MAN1A2: variants seen among roughly 807,000 people sequenced by gnomAD.
MAN1A2 encodes the protein mannosidase alpha class 1A member 2.
In MAN1A2, 26 loss-of-function variants were observed where a neutral mutation model predicts 75.7. That is an observed-to-expected ratio of 0.34 (90% CI 0.25 to 0.48). MAN1A2 has a LOEUF of 0.48. Among genes scored for constraint, MAN1A2 ranks in the 20% least tolerant of loss-of-function variants. MAN1A2 has a pLI of 0.99. For missense variants in MAN1A2, 562 were observed against 775.5 expected (o/e 0.72, Z 3.27); for synonymous variants, 247 against 264.6 (o/e 0.93, Z 0.65).
chr1:117,430,008 C>G (rs1466856723), intron 5 of MAN1A2, among the ~76,000 whole-genome samples: 50 of 49,868 alleles, frequency 1.0e-3, no homozygotes, highest in Non-Finnish European at 1.6e-3. Context: ...CCCTCCCGGA[C>G]AGGGCGGCTG....
At chr1:117,393,912 G>A (rs1407504825) in intron 1 of MAN1A2, among the ~76,000 whole-genome samples, 2 of 152,152 alleles carry the variant, frequency 1.3e-5, no homozygotes, top group Admixed American at 1.3e-4. Context: ...AAGTTTGAAT[G>A]TGTGGAGTCT....
At chr1:117,390,688 A>C (rs1032133815) in intron 1 of MAN1A2, among the ~76,000 whole-genome samples, 16 of 151,148 alleles carry the variant, frequency 1.1e-4, no homozygotes, top group African/African-American at 3.9e-4. Context: ...CCATTTTCTT[A>C]AGTTAGAAGC....
chr1:117,485,583 A>C (rs1398711082), intron 8 of MAN1A2, among the ~76,000 whole-genome samples: 2 of 151,940 alleles, frequency 1.3e-5, no homozygotes, highest in African/African-American at 4.8e-5. Flanking sequence ...TTCATAAACA[A>C]TAGATACCAG....
At chr1:117,480,544 T>TA (rs903825082) in intron 8 of MAN1A2, among the ~76,000 whole-genome samples, 23 of 151,362 alleles carry the variant, frequency 1.5e-4, no homozygotes, top group Admixed American at 5.3e-4. Context: ...AGCACTTTTT[T>TA]AAAAAAAAAG....
chr1:117,404,709 G>T (rs1478009791), intron 2 of MAN1A2, among the ~76,000 whole-genome samples: 4 of 152,110 alleles, frequency 2.6e-5, no homozygotes, highest in African/African-American at 4.8e-5. Context: ...TTAGGGCAGG[G>T]GTTGACAGCT....
chr1:117,410,220 G>A (rs1217434152), intron 3 of MAN1A2, among the ~76,000 whole-genome samples: 2 of 151,930 alleles, frequency 1.3e-5, no homozygotes. Flanking sequence ...AAGGCTGAGT[G>A]TATATTACAT....
chr1:117,415,759 T>C (rs1171729257), intron 4 of MAN1A2, among the ~76,000 whole-genome samples: 1 of 152,126 alleles, frequency 6.6e-6, no homozygotes, highest in Admixed American at 6.6e-5. Flanking sequence ...ATTTGTCTTG[T>C]TGTTCTGTTG....
chr1:117,426,435 C>T (rs1376889082), intron 5 of MAN1A2, among the ~76,000 whole-genome samples: 7 of 152,040 alleles, frequency 4.6e-5, no homozygotes, highest in Non-Finnish European at 7.4e-5. Flanking sequence ...AAAATATAGA[C>T]ATCCATCGAC....
In MAN1A2 at chr1:117,398,236, A is replaced by G. The variant is rs557192424; in HGVS notation, c.303-3950A>G. On this transcript the variant is annotated intron_variant, in intron 1 of 12. Transcript: ENST00000356554. Reference sequence around the variant, plus strand: ...AAGATACATGGTGCCATCAGACTGTATATTAGGGAGATTTGTCTAATCTAG... The same window carrying G: ...AAGATACATGGTGCCATCAGACTGTGTATTAGGGAGATTTGTCTAATCTAG... Among the ~76,000 whole-genome samples the G allele has an allele frequency of 1.1e-3, 173 of 152,274 alleles. 2 individuals are homozygous for G. Among genetic ancestry groups the G allele is most frequent in the African/African-American group, 4.0e-3 (166 of 41,554 alleles).
intron 4 of MAN1A2, among the ~76,000 whole-genome samples, chr1:117,416,612 A>AT (rs2101773971): frequency 6.6e-6 from 1 of 152,324 alleles, no homozygotes; most frequent in East Asian, 1.9e-4. Flanking sequence ...AATGTTTAGA[A>AT]TTGTTATCCA....
At chr1:117,434,671 G>A (rs1489951119) in intron 5 of MAN1A2, among the ~76,000 whole-genome samples, 1 of 151,508 alleles carries the variant, frequency 6.6e-6, no homozygotes, top group East Asian at 1.9e-4. Context: ...ACCTAAATTT[G>A]TATATTTTAA....
chr1:117,367,916 G>A lies in MAN1A2; in HGVS notation c.-268G>A, dbSNP rs909898657. 32 of 388,348 alleles carry A rather than the reference G, an allele frequency of 8.2e-5. No homozygotes were observed. Among genetic ancestry groups the A allele is most frequent in the Non-Finnish European group, 1.2e-4 (27 of 217,460 alleles). The allele number at this position is 388,348 out of a possible 1,614,324, so 24.1% of individuals were successfully genotyped here. On this transcript the variant is annotated 5_prime_UTR_variant, in exon 1 of 13. Coordinates refer to ENST00000356554, the MANE Select transcript of MAN1A2 (RefSeq NM_006699.5). ...CCTGATCTACCCCTAGGAATGAAGA[G>A]GAGGCTTGTAATAATCCGATGAAGT...
chr1:117,502,722 A>G (rs1467183558), intron 11 of MAN1A2, 133 bp from the exon 12 acceptor site: 4 of 602,948 alleles, frequency 6.6e-6, no homozygotes, highest in Non-Finnish European at 1.2e-5. Context: ...CCTTTTGATA[A>G]TATATTATTC....
At chr1:117,443,989 A>AGGG (rs1649127090) in intron 6 of MAN1A2, among the ~76,000 whole-genome samples, 2 of 152,026 alleles carry the variant, frequency 1.3e-5, no homozygotes, top group Non-Finnish European at 2.9e-5. Flanking sequence ...TGATGACTGA[A>AGGG]AGCCAACCCA....
intron 5 of MAN1A2, among the ~76,000 whole-genome samples, chr1:117,440,269 A>G (rs1412281824): frequency 6.6e-6 from 1 of 152,200 alleles, no homozygotes; most frequent in Non-Finnish European, 1.5e-5. Flanking sequence ...ATTTTATGTG[A>G]CATGACCAGG....
At chr1:117,430,010 G>C (rs1648556992) in intron 5 of MAN1A2, among the ~76,000 whole-genome samples, 1 of 51,816 alleles carries the variant, frequency 1.9e-5, no homozygotes, top group African/African-American at 8.6e-5. Flanking sequence ...CTCCCGGACA[G>C]GGCGGCTGGC....
chr1:117,471,867 G>C (rs1650172542), intron 8 of MAN1A2, among the ~76,000 whole-genome samples: 1 of 151,920 alleles, frequency 6.6e-6, no homozygotes, highest in African/African-American at 2.4e-5. Context: ...CAGATACTGA[G>C]AAGAAACCGG....
chr1:117,458,092 A>G (rs561530541), intron 6 of MAN1A2, among the ~76,000 whole-genome samples: 18 of 152,138 alleles, frequency 1.2e-4, no homozygotes, highest in African/African-American at 4.1e-4. Flanking sequence ...CTCACTTTCT[A>G]TCTCTAGTAC....
intron 12 of MAN1A2, chr1:117,515,947 AT>A (rs1020552401): frequency 2.6e-5 from 4 of 152,084 alleles, no homozygotes; most frequent in South Asian, 2.1e-4. Context: ...AATAAAAAAA[AT>A]ATAAGGAAAG....
Sources: gnomAD v4.1 joint callset for allele counts (sites outside exome capture counted in the v4.1 genomes callset) on GRCh38, gnomAD v4.1.1 for gene constraint, MANE v1.5 for transcripts, NCBI Gene and HGNC (gene_info 2026-07-23, HGNC 2026-07-21) for gene names.